Variants in SLC8A1 observed in about 807,000 individuals in gnomAD.
The protein encoded by SLC8A1 is solute carrier family 8 member A1, also known as sodium/calcium exchanger 1.
SLC8A1 carries 18 observed loss-of-function variants against 68.3 expected under a neutral mutation model. The ratio of observed to expected loss-of-function variants is 0.26; its 90% CI spans 0.18 to 0.39. The LOEUF (loss-of-function observed/expected upper bound fraction) is 0.39. Ranked by LOEUF, SLC8A1 falls within the 10% of genes least tolerant of loss-of-function variation. SLC8A1 has a pLI of 1.00. For synonymous variants in SLC8A1, 475 were observed against 415.5 expected (o/e 1.14, Z -1.74); for missense variants, 985 against 1,156.7 (o/e 0.85, Z 2.15).
intron 2 of SLC8A1, among the ~76,000 whole-genome samples, chr2:40,387,936 CAAAAAA>C (rs57394425): frequency 1.6e-4 from 15 of 90,932 alleles, no homozygotes; most frequent in Admixed American, 4.8e-4. Flanking sequence ...GAGACTGCCT[CAAAAAA>C]AAAAAAAAAA....
At chr2:40,393,338 A>T (rs986203823) in intron 2 of SLC8A1, among the ~76,000 whole-genome samples, 1 of 152,072 alleles carries the variant, frequency 6.6e-6, no homozygotes, top group Non-Finnish European at 1.5e-5. Flanking sequence ...GCATTAAGAA[A>T]CTTAGCAATC....
intron 2 of SLC8A1, among the ~76,000 whole-genome samples, chr2:40,234,276 G>T (rs2060070289): frequency 6.6e-6 from 1 of 151,322 alleles, no homozygotes; most frequent in African/African-American, 2.4e-5. Context: ...TTATTTCCTT[G>T]AGCAGTGGTT....
chr2:40,304,070 G>A (rs2072092916), intron 2 of SLC8A1, among the ~76,000 whole-genome samples: 1 of 152,182 alleles, frequency 6.6e-6, no homozygotes, highest in African/African-American at 2.4e-5. Context: ...TTGCATAAAT[G>A]CAAAATAACA....
At chr2:40,190,803 A>C (rs2051653742) in intron 2 of SLC8A1, 1 of 152,092 alleles carries the variant, frequency 6.6e-6, no homozygotes, top group Admixed American at 6.6e-5. Context: ...CCCTAGTCTT[A>C]TTATTATTCT....
rs1336403573 is a variant in SLC8A1, at chr2:40,439,856, C to CCCTT, written c.-24-9553_-24-9552insAAGG. On this transcript the variant is annotated intron_variant, in intron 1 of 7. Coordinates refer to ENST00000406785, the Ensembl canonical transcript of SLC8A1. Reference sequence around the variant, plus strand: ...AAAAAGTCAAGGTGATGGGTGCTCACATAAGGGTGACTCTCCATCAGTGTT... The same window carrying CCCTT: ...AAAAAGTCAAGGTGATGGGTGCTCACCCTTATAAGGGTGACTCTCCATCAGTGTT... 2.6e-5 allele frequency among the ~76,000 whole-genome samples: 4 copies of CCCTT among 152,242 alleles called. No individual in the cohort carries two copies. The East Asian group carries it at 7.7e-4, about 29-fold the overall frequency.
At chr2:40,419,977 G>T (rs1221901947) in intron 2 of SLC8A1, among the ~76,000 whole-genome samples, 1 of 152,130 alleles carries the variant, frequency 6.6e-6, no homozygotes, top group African/African-American at 2.4e-5. Context: ...AAACAAATTT[G>T]TTATAGAAAC....
At chr2:40,186,657 C>T (rs1308530264) in intron 2 of SLC8A1, among the ~76,000 whole-genome samples, 2 of 152,082 alleles carry the variant, frequency 1.3e-5, no homozygotes, top group African/African-American at 4.8e-5. Flanking sequence ...CTATTGTTTC[C>T]TTTCTCGAAA....
intron 2 of SLC8A1, among the ~76,000 whole-genome samples, chr2:40,211,068 ATTG>A (rs1480253508): frequency 1.3e-5 from 2 of 152,208 alleles, no homozygotes. Context: ...TCTAGAAATA[ATTG>A]TTATGTCAAG....
intron 6 of SLC8A1, among the ~76,000 whole-genome samples, chr2:40,146,657 G>T (rs2042532684): frequency 1.3e-5 from 2 of 151,770 alleles, no homozygotes; most frequent in Admixed American, 6.6e-5. Context: ...AGATCGTCAG[G>T]CATTAGAGTC....
chr2:40,368,895 ACCATCTGC>A (rs2149500673), intron 2 of SLC8A1, among the ~76,000 whole-genome samples: 1 of 152,186 alleles, frequency 6.6e-6, no homozygotes, highest in East Asian at 1.9e-4. Flanking sequence ...CACACCCACA[ACCATCTGC>A]CCTTTGACAA....
chr2:40,160,939 T>C, intron 5 of SLC8A1, 75 bp from the exon 9 acceptor site: 1 of 1,050,044 alleles, frequency 9.5e-7, no homozygotes, highest in Non-Finnish European at 1.5e-6. Flanking sequence ...TTGTTGATTT[T>C]GAAACTCCAG....
chr2:40,238,238 T>C (rs1208688517), intron 2 of SLC8A1, among the ~76,000 whole-genome samples: 1 of 152,176 alleles, frequency 6.6e-6, no homozygotes, highest in Non-Finnish European at 1.5e-5. Flanking sequence ...CTCAGACTGC[T>C]GTGCTAGCAA....
intron 2 of SLC8A1, among the ~76,000 whole-genome samples, chr2:40,261,998 C>G (rs1301143494): frequency 6.7e-6 from 1 of 148,556 alleles, no homozygotes; most frequent in East Asian, 2.0e-4. Context: ...GAATCTCACT[C>G]TGTGGCCAGG....
rs1038395876 is a variant in SLC8A1 at position 40,488,282 on chromosome 2, T to A, written c.-25+24067A>T. 7.9e-5 allele frequency among the ~76,000 whole-genome samples: 12 copies of A among 151,396 alleles called. No homozygotes were observed. In the South Asian group the frequency reaches 2.1e-3, roughly 26 times the overall value. ...AGGATTTTAATGAATAATCCTCCTCTCCCCTCCTGCTAGCTCACCAAGGAA... is the reference window on the plus strand; with the variant it reads ...AGGATTTTAATGAATAATCCTCCTCACCCCTCCTGCTAGCTCACCAAGGAA... On this transcript the variant is annotated intron_variant, in intron 1 of 7. Transcript: ENST00000402441.
At chr2:40,364,465 T>G (rs538187654) in intron 2 of SLC8A1, among the ~76,000 whole-genome samples, 1 of 150,740 alleles carries the variant, frequency 6.6e-6, no homozygotes, top group East Asian at 1.9e-4. Flanking sequence ...AAAAAACAAT[T>G]AGAAGATTTC....
chr2:40,283,002 G>A (rs939941571), intron 2 of SLC8A1, among the ~76,000 whole-genome samples: 1 of 152,044 alleles, frequency 6.6e-6, no homozygotes, highest in Non-Finnish European at 1.5e-5. Context: ...ATTTTTATTA[G>A]TTCACCACAA....
At chr2:40,248,732 T>A (rs975571259) in intron 2 of SLC8A1, among the ~76,000 whole-genome samples, 1 of 152,164 alleles carries the variant, frequency 6.6e-6, no homozygotes, top group African/African-American at 2.4e-5. Context: ...ATAAATAGAC[T>A]GTCATGTGTA....
intron 2 of SLC8A1, among the ~76,000 whole-genome samples, chr2:40,355,554 A>G (rs1003454826): frequency 1.3e-5 from 2 of 152,002 alleles, no homozygotes; most frequent in African/African-American, 2.4e-5. Context: ...TATAATAGAG[A>G]CCTTGACATG....
At chr2:40,418,789 G>C (rs370768421) in intron 2 of SLC8A1, among the ~76,000 whole-genome samples, 1 of 152,322 alleles carries the variant, frequency 6.6e-6, no homozygotes, top group African/African-American at 2.4e-5. Context: ...GTCTCCATCA[G>C]AGAGGGCAGC....
Sources: allele counts gnomAD v4.1 joint callset (sites outside exome capture counted in the v4.1 genomes callset), GRCh38; gene constraint gnomAD v4.1.1; transcripts MANE v1.5; gene names NCBI Gene and HGNC (gene_info 2026-07-23, HGNC 2026-07-21).